Variants in NPHP4 observed in about 807,000 individuals in gnomAD.
NPHP4 encodes nephrocystin 4, also known as nephrocystin-4.
In NPHP4, 151 loss-of-function variants were observed where a neutral mutation model predicts 155.8. The observed-to-expected ratio is 0.97, with a 90% CI of 0.85 to 1.11. The LOEUF (loss-of-function observed/expected upper bound fraction) is 1.11, where lower values mean the gene tolerates loss of function less well. Among genes scored for constraint, NPHP4 ranks in the 50% least tolerant of loss-of-function variants. NPHP4 has a pLI of 0.00. For synonymous variants in NPHP4, 845 were observed against 816.8 expected (o/e 1.03, Z -0.59); for missense variants, 1,956 against 1,925.7 (o/e 1.02, Z -0.29).
At chr1:5,972,734 T>C (rs1570707436) in intron 3 of NPHP4, among the ~76,000 whole-genome samples, 1 of 152,308 alleles carries the variant, frequency 6.6e-6, no homozygotes, top group East Asian at 1.9e-4. Flanking sequence ...CAAATTAATT[T>C]AATTTCTTTC....
chr1:5,914,915 G>A (rs1462430923), intron 11 of NPHP4, among the ~76,000 whole-genome samples: 1 of 152,158 alleles, frequency 6.6e-6, no homozygotes, highest in African/African-American at 2.4e-5. Flanking sequence ...GTGCCAGGTA[G>A]ACCTCCCCCC....
intron 4 of NPHP4, among the ~76,000 whole-genome samples, chr1:5,968,197 T>A (rs1284002714): frequency 2.0e-5 from 3 of 152,038 alleles, no homozygotes; most frequent in African/African-American, 7.2e-5. Context: ...CCACAGAGAA[T>A]CAGTGCTAGA....
intron 11 of NPHP4, among the ~76,000 whole-genome samples, chr1:5,920,324 A>G (rs1170302454): frequency 6.6e-6 from 1 of 151,702 alleles, no homozygotes; most frequent in Non-Finnish European, 1.5e-5. Context: ...GCCTCCCAAC[A>G]TGCTGGGATT....
In NPHP4 at chr1:5,892,732, C is replaced by T. The variant is rs1438401785; in HGVS notation, c.2144-1704G>A. Among the ~76,000 whole-genome samples the T allele has an allele frequency of 6.6e-6, 1 of 152,100 alleles. No individual in the cohort carries two copies. Among genetic ancestry groups the T allele is most frequent in the Non-Finnish European group, 1.5e-5 (1 of 68,008 alleles). ...TGTCCAGCTGAGACAAGTGGCTCCTCCGTGGCCACCCCTGAGGTCCAAGCT... is the reference window on the plus strand; with the variant it reads ...TGTCCAGCTGAGACAAGTGGCTCCTTCGTGGCCACCCCTGAGGTCCAAGCT... On this transcript the variant is annotated intron_variant, in intron 16 of 29. Transcript: ENST00000378156. The surrounding 1 kb of genome is among the most constrained non-coding windows in gnomAD (Gnocchi z 4.5).
intron 5 of NPHP4, among the ~76,000 whole-genome samples, chr1:5,962,224 G>A (rs920864815): frequency 1.3e-5 from 2 of 152,152 alleles, no homozygotes; most frequent in Non-Finnish European, 2.9e-5. Flanking sequence ...TGTTTGCCCA[G>A]GCTGGAGAGC....
intron 3 of NPHP4, among the ~76,000 whole-genome samples, chr1:5,974,673 T>A: frequency 9.6e-6 from 1 of 103,894 alleles, no homozygotes. Flanking sequence ...TGCAAATAAT[T>A]CATCATTTGC....
chr1:5,986,351 A>C, intron 1 of NPHP4, 24 bp from the exon 2 acceptor site: 1 of 1,591,008 alleles, frequency 6.3e-7, no homozygotes, highest in East Asian at 2.3e-5. Flanking sequence ...ATTCAAATAA[A>C]GAGAAGAGCT....
intron 18 of NPHP4, 83 bp from the exon 19 acceptor site, chr1:5,880,322 G>A (rs372751561): frequency 1.4e-6 from 2 of 1,476,642 alleles, no homozygotes; most frequent in Admixed American, 1.8e-5. Context: ...ATAAGCGGCT[G>A]TGGCTTTCAA....
chr1:5,977,257 G>C (rs1212429459), intron 3 of NPHP4, among the ~76,000 whole-genome samples: 4 of 151,926 alleles, frequency 2.6e-5, no homozygotes, highest in Non-Finnish European at 5.9e-5. Flanking sequence ...GGCACGACGG[G>C]GCCACCCTGC....
intron 23 of NPHP4, chr1:5,868,155 C>T (rs1233751837): frequency 5.1e-6 from 3 of 593,622 alleles, no homozygotes; most frequent in South Asian, 1.8e-5. Context: ...CATTATTCCT[C>T]GCGAGTACAG....
At chr1:5,957,518 A>C (rs1267944314) in intron 6 of NPHP4, among the ~76,000 whole-genome samples, 3 of 152,226 alleles carry the variant, frequency 2.0e-5, no homozygotes, top group African/African-American at 7.2e-5. Flanking sequence ...CCGCTGCAAC[A>C]GTGGGATATT....
In NPHP4 at chr1:5,986,233, C is replaced by CT; in HGVS notation, c.56dup (p.Arg20GlufsTer25). The CT allele has an allele frequency of 6.2e-7, 1 of 1,613,930 alleles. No homozygotes were observed. On this transcript the variant is annotated frameshift_variant, in exon 2 of 30. Transcript: ENST00000378156. LOFTEE classifies it high-confidence loss of function. ...ATTCCTTCCAAGGCTGGCGCGCTCTCTGTGGGTGGGGAGGGACAAGCACGT... is the reference window on the plus strand; with the variant it reads ...ATTCCTTCCAAGGCTGGCGCGCTCTCTTGTGGGTGGGGAGGGACAAGCACGT...
chr1:5,956,891 T>C (rs1410207392), intron 6 of NPHP4, among the ~76,000 whole-genome samples: 1 of 152,160 alleles, frequency 6.6e-6, no homozygotes, highest in Non-Finnish European at 1.5e-5. Context: ...AAGCAAAGAC[T>C]TGGAGAGGCT....
At chr1:5,931,400 CT>C (rs1320129021) in intron 10 of NPHP4, among the ~76,000 whole-genome samples, 1 of 113,190 alleles carries the variant, frequency 8.8e-6, no homozygotes, top group African/African-American at 3.8e-5. Flanking sequence ...TAGCATATGT[CT>C]AAAAAAAAAA....
intron 5 of NPHP4, 81 bp from the exon 6 acceptor site, chr1:5,962,030 T>C (rs774205475): frequency 3.7e-6 from 4 of 1,081,244 alleles, no homozygotes; most frequent in Non-Finnish European, 5.4e-6. Flanking sequence ...TAACAGAGAA[T>C]GTTAGAAACA....
rs1308819361 is a variant in NPHP4, at chr1:5,892,518, A to C, written c.2144-1490T>G. Among the ~76,000 whole-genome samples, 2 of 152,114 alleles carry C rather than the reference A, an allele frequency of 1.3e-5. No homozygotes were observed. The highest frequency in any genetic ancestry group is 4.8e-5 in the African/African-American group (2 of 41,422). On this transcript the variant is annotated intron_variant, in intron 16 of 29. Coordinates refer to ENST00000378156, the MANE Select transcript of NPHP4 (RefSeq NM_015102.5). The surrounding 1 kb of genome is among the most constrained non-coding windows in gnomAD (Gnocchi z 4.5). ...TGGGGGCGCAGTTATTTGTTTGCTG[A>C]GTAAGTGAATTAATGGTAGCATTGA...
chr1:5,915,880 C>T (rs1420553406), intron 11 of NPHP4, among the ~76,000 whole-genome samples: 2 of 152,180 alleles, frequency 1.3e-5, no homozygotes, highest in South Asian at 2.1e-4. Flanking sequence ...GACTCTCCCC[C>T]ACCACCATGT....
chr1:5,943,174 C>A (rs1237989524), intron 9 of NPHP4, among the ~76,000 whole-genome samples: 1 of 152,160 alleles, frequency 6.6e-6, no homozygotes, highest in Non-Finnish European at 1.5e-5. Flanking sequence ...TCACAGCTAA[C>A]CCAAACATAA....
chr1:5,900,873 C>T (rs1644642124), intron 16 of NPHP4, among the ~76,000 whole-genome samples: 1 of 151,882 alleles, frequency 6.6e-6, no homozygotes, highest in South Asian at 2.1e-4. Flanking sequence ...TCTACAAAAA[C>T]TACAAAAAAA....
Sources: gnomAD v4.1 joint callset for allele counts (sites outside exome capture counted in the v4.1 genomes callset) on GRCh38, gnomAD v4.1.1 for gene constraint, Gnocchi (gnomAD v3.1) non-coding constraint, MANE v1.5 for transcripts, NCBI Gene and HGNC (gene_info 2026-07-23, HGNC 2026-07-21) for gene names.